The following FMN1 variants were observed in gnomAD, a reference collection of about 807,000 sequenced individuals.
The protein encoded by FMN1 is formin 1.
FMN1 carries 110 observed loss-of-function variants against 132.4 expected under a neutral mutation model. That is an observed-to-expected ratio of 0.83 (90% CI 0.71 to 0.97). The LOEUF is 0.97. Among genes scored for constraint, FMN1 ranks in the 50% least tolerant of loss-of-function variants. The pLI, the probability that FMN1 is intolerant of heterozygous loss-of-function variation, is 0.00. For synonymous variants in FMN1, 722 were observed against 651.7 expected, an observed-to-expected ratio of 1.11 and a Z score of -1.64; for missense variants, 1,792 against 1,705.3, an observed-to-expected ratio of 1.05 and a Z score of -0.90.
At chr15:32,945,973 C>G (rs1212188801) in intron 9 of FMN1, among the ~76,000 whole-genome samples, 1 of 151,728 alleles carries the variant, frequency 6.6e-6, no homozygotes, top group Non-Finnish European at 1.5e-5. Context: ...TCACTCCACT[C>G]TGTTAATTTT....
rs1291713375 is a variant in FMN1, at chr15:32,962,787, A to C, written c.3138+1320T>G. Among the ~76,000 whole-genome samples, 994 of 151,594 alleles carry C rather than the reference A, an allele frequency of 6.6e-3. 14 individuals are homozygous for C. The highest frequency in any genetic ancestry group is 0.023 in the African/African-American group (945 of 41,038). Reference sequence around the variant, plus strand: ...TCAGAGAAATGCAAATCAAAACCACAATGAGATACCATCTCAAACCAGTTA... The same window carrying C: ...TCAGAGAAATGCAAATCAAAACCACCATGAGATACCATCTCAAACCAGTTA... On this transcript the variant is annotated intron_variant, in intron 9 of 20. Transcript: ENST00000616417.
At chr15:32,958,880 A>T (rs1175369015) in intron 9 of FMN1, among the ~76,000 whole-genome samples, 1 of 151,994 alleles carries the variant, frequency 6.6e-6, no homozygotes, top group Non-Finnish European at 1.5e-5. Flanking sequence ...CGTCTCTACT[A>T]AAAATATAAA....
rs149285605 is a variant in FMN1 at position 32,789,184 on chromosome 15, G to A, written c.4130+9620C>T. 7.9e-5 allele frequency among the ~76,000 whole-genome samples: 12 copies of A among 152,266 alleles called. No individual in the cohort carries two copies. The East Asian group carries it at 2.1e-3, about 27-fold the overall frequency. The stretch of plus-strand genomic sequence containing the variant: ...AGAAAACAAAGTGGTACAAGACATT[G>A]TAATTATCTTCTAGGGGCCTATGAT... On this transcript the variant is annotated intron_variant, in intron 19 of 20. Transcript: ENST00000616417.
intron 6 of FMN1, among the ~76,000 whole-genome samples, chr15:33,022,013 C>T (rs1350750635): frequency 2.0e-5 from 3 of 152,158 alleles, no homozygotes; most frequent in African/African-American, 7.2e-5. Flanking sequence ...ATAAAGTCAT[C>T]CCTTGGTGGG....
chr15:32,825,138 A>T (rs2058331853), intron 17 of FMN1, among the ~76,000 whole-genome samples: 2 of 152,240 alleles, frequency 1.3e-5, no homozygotes, highest in African/African-American at 2.4e-5. Context: ...AGCCTGGTCC[A>T]AGATGCTCAT....
intron 19 of FMN1, among the ~76,000 whole-genome samples, chr15:32,795,620 A>G (rs887825748): frequency 9.2e-5 from 14 of 152,004 alleles, no homozygotes; most frequent in African/African-American, 3.1e-4. Flanking sequence ...AAGGGTAAAA[A>G]TGCCTGTTTT....
intron 16 of FMN1, among the ~76,000 whole-genome samples, chr15:32,862,152 AATG>A (rs1421043762): frequency 1.3e-5 from 2 of 152,144 alleles, no homozygotes; most frequent in Admixed American, 6.5e-5. Flanking sequence ...AAGGCTAATT[AATG>A]ATGACACCGG....
intron 16 of FMN1, among the ~76,000 whole-genome samples, chr15:32,861,761 G>C (rs2059274517): frequency 6.6e-6 from 1 of 152,166 alleles, no homozygotes; most frequent in Admixed American, 6.5e-5. Flanking sequence ...TAGGGATAAT[G>C]ATTTTCATTC....
intron 17 of FMN1, among the ~76,000 whole-genome samples, chr15:32,838,971 C>A (rs2141202177): frequency 6.6e-6 from 1 of 152,254 alleles, no homozygotes; most frequent in South Asian, 2.1e-4. Context: ...AGTCCAAGGC[C>A]CTGACACAGC....
At chr15:32,795,909 ATAGT>A (rs903548500) in intron 19 of FMN1, among the ~76,000 whole-genome samples, 1 of 152,226 alleles carries the variant, frequency 6.6e-6, no homozygotes, top group African/African-American at 2.4e-5. Flanking sequence ...TTCCAAAGAT[ATAGT>A]TAATCTCCAG....
At chr15:32,808,507 G>A (rs1285975207) in intron 17 of FMN1, among the ~76,000 whole-genome samples, 2 of 152,202 alleles carry the variant, frequency 1.3e-5, no homozygotes, top group African/African-American at 4.8e-5. Context: ...GTGTAGCATA[G>A]AGGAAAGAGC....
At chr15:32,784,085 C>T (rs1385166298) in intron 19 of FMN1, among the ~76,000 whole-genome samples, 1 of 152,122 alleles carries the variant, frequency 6.6e-6, no homozygotes, top group Non-Finnish European at 1.5e-5. Context: ...GGATTGAGCA[C>T]ACCAGCCAAT....
chr15:33,080,777 C>G (rs552640896), intron 5 of FMN1, among the ~76,000 whole-genome samples: 30 of 152,188 alleles, frequency 2.0e-4, no homozygotes, highest in African/African-American at 6.3e-4. Context: ...ATCCCAGCTA[C>G]TCGGGAAGCT....
At chr15:33,100,264 C>A (rs576320428) in intron 4 of FMN1, among the ~76,000 whole-genome samples, 1 of 145,424 alleles carries the variant, frequency 6.9e-6, no homozygotes, top group Non-Finnish European at 1.5e-5. Flanking sequence ...TAAAACTGCA[C>A]ATTTGGAAAA....
At chr15:33,079,994 T>C (rs1189869020) in intron 5 of FMN1, among the ~76,000 whole-genome samples, 2 of 152,214 alleles carry the variant, frequency 1.3e-5, no homozygotes, top group African/African-American at 2.4e-5. Flanking sequence ...CTCATTCTTT[T>C]TCTCTTACAC....
At chr15:32,843,423 A>T (rs1251413893) in intron 17 of FMN1, among the ~76,000 whole-genome samples, 1 of 152,244 alleles carries the variant, frequency 6.6e-6, no homozygotes, top group Admixed American at 6.5e-5. Context: ...AGCTTAAGTT[A>T]AAGAAAGCAA....
chr15:32,876,321 T>C (rs1240939963), intron 16 of FMN1, among the ~76,000 whole-genome samples: 1 of 152,168 alleles, frequency 6.6e-6, no homozygotes, highest in Non-Finnish European at 1.5e-5. Context: ...AGCTAAAATA[T>C]TGCTGTTAAA....
chr15:33,067,209 T>TTTG, intron 5 of FMN1: 1 of 1,613,582 alleles, frequency 6.2e-7, no homozygotes. Flanking sequence ...CGACGCTCTG[T>TTTG]CTGAAGACCA....
intron 6 of FMN1, among the ~76,000 whole-genome samples, chr15:33,031,822 T>C (rs1010030269): frequency 6.6e-6 from 1 of 152,208 alleles, no homozygotes; most frequent in African/African-American, 2.4e-5. Context: ...GTCACAGTCA[T>C]CAAGTTTCTA....
Sources: gnomAD v4.1 joint callset for allele counts (sites outside exome capture counted in the v4.1 genomes callset) on GRCh38, gnomAD v4.1.1 for gene constraint, MANE v1.5 for transcripts, NCBI Gene and HGNC (gene_info 2026-07-23, HGNC 2026-07-21) for gene names.